HS3ST4: variants seen among roughly 807,000 people sequenced by gnomAD.
The protein encoded by HS3ST4 is heparan sulfate-glucosamine 3-sulfotransferase 4.
Under a neutral mutation model 29.2 loss-of-function variants are expected in HS3ST4, and 17 were observed. The observed-to-expected ratio is 0.58, with a 90% confidence interval of 0.40 to 0.87. HS3ST4 has a LOEUF of 0.87. HS3ST4 is among the 40% of genes least tolerant of loss of function. The probability of loss-of-function intolerance (pLI) is 0.00; values close to 1 mark genes in which losing one functional copy is unlikely to be tolerated. For synonymous variants in HS3ST4, 314 were observed against 285.7 expected (o/e 1.10, Z -1.00); for missense variants, 627 against 634.5 (o/e 0.99, Z 0.13).
intron 1 of HS3ST4, among the ~76,000 whole-genome samples, chr16:25,981,704 A>C (rs532484089): frequency 9.9e-5 from 15 of 150,818 alleles, no homozygotes; most frequent in African/African-American, 3.7e-4. Flanking sequence ...CCTTTGGACT[A>C]TATAAGCCCA....
intron 1 of HS3ST4, among the ~76,000 whole-genome samples, chr16:26,045,526 G>A (rs1898253509): frequency 6.6e-6 from 1 of 152,124 alleles, no homozygotes. Flanking sequence ...GGCAGAAAAT[G>A]AGCAGGCTCA....
chr16:26,010,739 C>T (rs1011976496), intron 1 of HS3ST4, among the ~76,000 whole-genome samples: 2 of 152,090 alleles, frequency 1.3e-5, no homozygotes, highest in Admixed American at 6.5e-5. Context: ...CCGCTTGTGG[C>T]GACTCAAAGA....
chr16:26,109,984 T>G (rs1899107444), intron 1 of HS3ST4, among the ~76,000 whole-genome samples: 1 of 152,182 alleles, frequency 6.6e-6, no homozygotes, highest in Admixed American at 6.5e-5. Context: ...TGCTGTATAA[T>G]AGATCTATGG....
chr16:26,032,382 C>T (rs1376143106), intron 1 of HS3ST4, among the ~76,000 whole-genome samples: 2 of 151,518 alleles, frequency 1.3e-5, no homozygotes, highest in South Asian at 2.1e-4. Flanking sequence ...GCCCCTTCCC[C>T]CAAAAACAAC....
At chr16:25,757,330 A>T (rs1215964251) in intron 1 of HS3ST4, among the ~76,000 whole-genome samples, 1 of 152,142 alleles carries the variant, frequency 6.6e-6, no homozygotes, top group Non-Finnish European at 1.5e-5. Context: ...CCTTGGTTCA[A>T]GTTATTTAAC....
At chr16:25,771,327 C>G (rs540775564) in intron 1 of HS3ST4, among the ~76,000 whole-genome samples, 21 of 152,258 alleles carry the variant, frequency 1.4e-4, no homozygotes, top group African/African-American at 4.6e-4. Context: ...GGAGCCTGTT[C>G]TTAGAAACTA....
chr16:25,985,775 C>A (rs955703043), intron 1 of HS3ST4, among the ~76,000 whole-genome samples: 3 of 152,002 alleles, frequency 2.0e-5, no homozygotes, highest in African/African-American at 4.8e-5. Flanking sequence ...CAGCCTCAAC[C>A]GCTGGGCTCA....
At chr16:25,947,423 C>T (rs1968638381) in intron 1 of HS3ST4, among the ~76,000 whole-genome samples, 1 of 152,208 alleles carries the variant, frequency 6.6e-6, no homozygotes, top group South Asian at 2.1e-4. Context: ...AACAAGCATT[C>T]ATTTTTCTCC....
intron 1 of HS3ST4, among the ~76,000 whole-genome samples, chr16:25,778,645 A>G (rs1966849874): frequency 6.6e-6 from 1 of 152,286 alleles, no homozygotes; most frequent in Admixed American, 6.5e-5. Flanking sequence ...AGTGGGCCTC[A>G]TCCAATCAGT....
intron 1 of HS3ST4, among the ~76,000 whole-genome samples, chr16:26,103,931 C>G (rs953158800): frequency 6.6e-6 from 1 of 152,140 alleles, no homozygotes. Context: ...TGTGAAAATT[C>G]AATAAATACA....
chr16:25,969,749 A>T (rs1968878480), intron 1 of HS3ST4, among the ~76,000 whole-genome samples: 1 of 152,122 alleles, frequency 6.6e-6, no homozygotes, highest in African/African-American at 2.4e-5. Flanking sequence ...CCTGTTTCCT[A>T]AGGGAAAATG....
chr16:25,747,376 C>A (rs1226725134), intron 1 of HS3ST4, among the ~76,000 whole-genome samples: 2 of 152,214 alleles, frequency 1.3e-5, no homozygotes, highest in Non-Finnish European at 2.9e-5. Context: ...CCAGGCAAAG[C>A]TGAGCTTTTG....
intron 1 of HS3ST4, among the ~76,000 whole-genome samples, chr16:25,700,069 C>A (rs1022897821): frequency 6.6e-6 from 1 of 152,124 alleles, no homozygotes; most frequent in African/African-American, 2.4e-5. Context: ...TAAATGTAGT[C>A]TTTTATTTCA....
intron 1 of HS3ST4, among the ~76,000 whole-genome samples, chr16:26,017,214 A>T (rs895413366): frequency 4.6e-5 from 7 of 152,220 alleles, no homozygotes; most frequent in South Asian, 2.1e-4. Flanking sequence ...AAATCCTAAA[A>T]CATTTAGCAT....
At chr16:25,826,559 C>G (rs1032401059) in intron 1 of HS3ST4, among the ~76,000 whole-genome samples, 1 of 151,866 alleles carries the variant, frequency 6.6e-6, no homozygotes, top group South Asian at 2.1e-4. Context: ...AGGATATTAT[C>G]AAGGAAATTG....
intron 1 of HS3ST4, among the ~76,000 whole-genome samples, chr16:26,051,210 G>A (rs1898341910): frequency 6.6e-6 from 1 of 152,094 alleles, no homozygotes; most frequent in African/African-American, 2.4e-5. Flanking sequence ...TTCCTGTGGG[G>A]GTGGGGAGTG....
chr16:25,829,928 A>C (rs1460353332), intron 1 of HS3ST4, among the ~76,000 whole-genome samples: 1 of 152,062 alleles, frequency 6.6e-6, no homozygotes, highest in Non-Finnish European at 1.5e-5. Context: ...GGTCCAAGCG[A>C]GTCTCCCACC....
intron 1 of HS3ST4, among the ~76,000 whole-genome samples, chr16:25,698,249 G>C (rs1403942225): frequency 2.6e-5 from 4 of 152,170 alleles, no homozygotes; most frequent in Admixed American, 1.3e-4. Flanking sequence ...GTTATATTAA[G>C]TAGAATGATT....
At chr16:25,735,814 G>A (rs1283027653) in intron 1 of HS3ST4, among the ~76,000 whole-genome samples, 4 of 152,146 alleles carry the variant, frequency 2.6e-5, no homozygotes, top group African/African-American at 9.7e-5. Context: ...ACTCATCCCT[G>A]AGCCTACCAC....
Sources: allele counts gnomAD v4.1 joint callset (sites outside exome capture counted in the v4.1 genomes callset), GRCh38; gene constraint gnomAD v4.1.1; transcripts MANE v1.5; gene names NCBI Gene and HGNC (gene_info 2026-07-23, HGNC 2026-07-21).